Variants in NPEPPS observed in about 807,000 individuals in gnomAD.
The protein encoded by NPEPPS is puromycin-sensitive aminopeptidase.
A neutral mutation model predicts 115.5 loss-of-function variants in NPEPPS; 14 were observed. The observed-to-expected ratio is 0.12, with a 90% CI of 0.08 to 0.19. The LOEUF is 0.19. Among genes scored for constraint, NPEPPS ranks in the 10% least tolerant of loss-of-function variants. The pLI is 1.00. For synonymous variants in NPEPPS, 285 were observed against 390.6 expected (o/e 0.73, Z 3.19); for missense variants, 523 against 1,110.8 (o/e 0.47, Z 7.52).
At chr17:47,553,320 C>T (rs1289304732) in intron 2 of NPEPPS, among the ~76,000 whole-genome samples, 1 of 151,054 alleles carries the variant, frequency 6.6e-6, no homozygotes, top group African/African-American at 2.4e-5. Context: ...TTGCAGTGAG[C>T]CAAGATCACG....
chr17:47,538,596 C>G (rs1272764455), intron 1 of NPEPPS, among the ~76,000 whole-genome samples: 1 of 139,800 alleles, frequency 7.2e-6, no homozygotes, highest in African/African-American at 2.7e-5. Context: ...GTGGCGTGAT[C>G]TCAGCTCACT....
chr17:47,560,678 A>T (rs1910370906), intron 2 of NPEPPS, among the ~76,000 whole-genome samples: 2 of 152,184 alleles, frequency 1.3e-5, no homozygotes, highest in Admixed American at 1.3e-4. Context: ...CATTATTTTC[A>T]GCTTTGTGGA....
chr17:47,585,025 C>A (rs1340994746), intron 5 of NPEPPS, among the ~76,000 whole-genome samples: 3 of 152,072 alleles, frequency 2.0e-5, no homozygotes, highest in Non-Finnish European at 4.4e-5. Flanking sequence ...GATGGGGTTT[C>A]ACCATGTTAG....
chr17:47,537,055 T>TG (rs1482264000), intron 1 of NPEPPS, among the ~76,000 whole-genome samples: 2 of 151,934 alleles, frequency 1.3e-5, no homozygotes, highest in Non-Finnish European at 1.5e-5. Flanking sequence ...GCCAACACTG[T>TG]GGCTCACTCC....
At chr17:47,613,534 A>G in intron 18 of NPEPPS, 135 bp from the exon 19 acceptor site, 2 of 653,090 alleles carry the variant, frequency 3.1e-6, no homozygotes, top group South Asian at 2.0e-5. Flanking sequence ...CCCAAAGTGC[A>G]GGGATTACAG....
In NPEPPS at chr17:47,531,563, G is replaced by T; in HGVS notation, c.255+8G>T. ...CTGGAGGCCGCCGCCCAGGTACAGCGACCCTCGGGCCCCGGGGCAAGCTGC... is the reference window on the plus strand; with the variant it reads ...CTGGAGGCCGCCGCCCAGGTACAGCTACCCTCGGGCCCCGGGGCAAGCTGC... On this transcript the variant is annotated splice_region_variant and intron_variant, in intron 1 of 22. Transcript: ENST00000322157. The T allele has an allele frequency of 6.3e-7, 1 of 1,595,904 alleles. No individual in the cohort carries two copies. The highest frequency in any genetic ancestry group is 8.5e-7 in the Non-Finnish European group (1 of 1,173,140).
At chr17:47,552,244 T>C (rs541920163) in intron 2 of NPEPPS, among the ~76,000 whole-genome samples, 3 of 152,280 alleles carry the variant, frequency 2.0e-5, no homozygotes, top group Non-Finnish European at 4.4e-5. Flanking sequence ...ATTACAGATA[T>C]GAGCCACTGT....
upstream of NPEPPS, chr17:47,531,060 A>C (rs1168027866): frequency 4.3e-6 from 2 of 464,688 alleles, no homozygotes; most frequent in East Asian, 9.4e-5. Flanking sequence ...CGCGCACTCC[A>C]CGGGGGCGCG....
At chr17:47,600,993 C>T (rs957603786) in intron 14 of NPEPPS, among the ~76,000 whole-genome samples, 2 of 152,084 alleles carry the variant, frequency 1.3e-5, no homozygotes, top group Non-Finnish European at 2.9e-5. Context: ...GAGGCTGAGG[C>T]GTGTGGATCC....
chr17:47,542,927 A>T (rs560876904), intron 1 of NPEPPS, among the ~76,000 whole-genome samples: 1 of 151,976 alleles, frequency 6.6e-6, no homozygotes, highest in East Asian at 1.9e-4. Context: ...TCACGAGGTC[A>T]GGAGTTTGAG....
chr17:47,615,370 C>G (rs1202752117), intron 19 of NPEPPS, among the ~76,000 whole-genome samples: 1 of 152,208 alleles, frequency 6.6e-6, no homozygotes, highest in Non-Finnish European at 1.5e-5. Context: ...GCCACCATGT[C>G]TGGCCTGCTT....
At chr17:47,572,577 A>C (rs1385501765) in intron 3 of NPEPPS, among the ~76,000 whole-genome samples, 1 of 152,188 alleles carries the variant, frequency 6.6e-6, no homozygotes, top group Non-Finnish European at 1.5e-5. Flanking sequence ...ATGCCATCAG[A>C]TAGGAAGAAT....
chr17:47,557,352 A>T (rs1910118969), intron 2 of NPEPPS: 1 of 152,082 alleles, frequency 6.6e-6, no homozygotes, highest in Admixed American at 6.6e-5. Flanking sequence ...TGCTGGGATT[A>T]CAGGTGTGAG....
At chr17:47,527,639 C>T (rs1907489715), upstream of NPEPPS, among the ~76,000 whole-genome samples, 2 of 151,146 alleles carry the variant, frequency 1.3e-5, no homozygotes, top group East Asian at 2.0e-4. Flanking sequence ...AGGTGGATCA[C>T]CTGAGGTCAG....
chr17:47,530,351 GTT>G (rs58886094), upstream of NPEPPS, among the ~76,000 whole-genome samples: 3,248 of 97,320 alleles, frequency 0.033, 31 homozygotes, highest in East Asian at 0.084. Context: ...ATTATTAAAG[GTT>G]TTTTTTTTTT....
At chr17:47,616,019 T>C (rs1437251857) in intron 19 of NPEPPS, among the ~76,000 whole-genome samples, 3 of 152,166 alleles carry the variant, frequency 2.0e-5, no homozygotes, top group Non-Finnish European at 2.9e-5. Context: ...TGCCATCTAG[T>C]GGACTAGAAT....
chr17:47,556,621 C>T (rs1597833459), intron 2 of NPEPPS, among the ~76,000 whole-genome samples: 2 of 152,154 alleles, frequency 1.3e-5, no homozygotes, highest in Admixed American at 6.5e-5. Context: ...GGGTGGCGGC[C>T]GGGCAGAGGG....
At chr17:47,546,915 G>T (rs1282394120) in intron 2 of NPEPPS, among the ~76,000 whole-genome samples, 3 of 152,076 alleles carry the variant, frequency 2.0e-5, no homozygotes, top group African/African-American at 7.2e-5. Context: ...AGTATAAAAT[G>T]AATATAATAT....
At chr17:47,549,154 C>T (rs1597825272) in intron 2 of NPEPPS, among the ~76,000 whole-genome samples, 2 of 151,280 alleles carry the variant, frequency 1.3e-5, no homozygotes, top group Non-Finnish European at 2.9e-5. Flanking sequence ...ACCAGCCTAG[C>T]GAAGATGGTG....
Sources: gnomAD v4.1 joint callset for allele counts (sites outside exome capture counted in the v4.1 genomes callset) on GRCh38, gnomAD v4.1.1 for gene constraint, MANE v1.5 for transcripts, NCBI Gene and HGNC (gene_info 2026-07-23, HGNC 2026-07-21) for gene names.